The following FMN1 variants were observed in gnomAD, a reference collection of about 807,000 sequenced individuals.
The protein encoded by FMN1 is formin-1.
FMN1 carries 110 observed loss-of-function variants against 132.4 expected under a neutral mutation model. The observed-to-expected ratio is 0.83, with a 90% CI of 0.71 to 0.97. The LOEUF (loss-of-function observed/expected upper bound fraction) is 0.97. FMN1 is among the 50% of genes least tolerant of loss of function. The pLI is 0.00. For synonymous variants in FMN1, 722 were observed against 651.7 expected (o/e 1.11, Z -1.64); for missense variants, 1,792 against 1,705.3 (o/e 1.05, Z -0.90).
intron 12 of FMN1, among the ~76,000 whole-genome samples, chr15:32,906,239 C>A (rs72719309): frequency 5.9e-5 from 9 of 152,154 alleles, no homozygotes; most frequent in South Asian, 2.1e-4. Flanking sequence ...AAATTGCAGC[C>A]CACAGGCCAA....
intron 6 of FMN1, among the ~76,000 whole-genome samples, chr15:33,026,794 G>A (rs1018473501): frequency 2.6e-5 from 4 of 152,176 alleles, no homozygotes; most frequent in Non-Finnish European, 5.9e-5. Context: ...GAATTTTCTA[G>A]TAAACCAGGC....
chr15:32,938,518 A>G (rs1188262143), intron 9 of FMN1, among the ~76,000 whole-genome samples: 1 of 152,180 alleles, frequency 6.6e-6, no homozygotes, highest in Non-Finnish European at 1.5e-5. Flanking sequence ...GACAGAGCAA[A>G]GACTCTGTCT....
intron 18 of FMN1, among the ~76,000 whole-genome samples, chr15:32,802,862 TAG>T (rs568848832): frequency 6.6e-6 from 1 of 152,160 alleles, no homozygotes; most frequent in Non-Finnish European, 1.5e-5. Flanking sequence ...ATAAGGTCAA[TAG>T]AGAGACACAA....
At chr15:33,058,956 A>G (rs1000454341) in intron 6 of FMN1, among the ~76,000 whole-genome samples, 2 of 152,190 alleles carry the variant, frequency 1.3e-5, no homozygotes, top group Non-Finnish European at 2.9e-5. Flanking sequence ...TTTTTACTAT[A>G]ATCACACTGC....
intron 17 of FMN1, among the ~76,000 whole-genome samples, chr15:32,838,854 A>C (rs1178312761): frequency 6.6e-6 from 1 of 152,192 alleles, no homozygotes; most frequent in African/African-American, 2.4e-5. Context: ...TGAAATCTAA[A>C]CAACATGAAG....
intron 4 of FMN1, among the ~76,000 whole-genome samples, chr15:33,124,342 T>C (rs569830389): frequency 4.6e-5 from 7 of 152,340 alleles, no homozygotes; most frequent in Non-Finnish European, 8.8e-5. Flanking sequence ...TGTGCTGTTA[T>C]AGCCTCTCCG....
intron 10 of FMN1, among the ~76,000 whole-genome samples, chr15:32,922,432 T>C (rs61530261): frequency 0.074 from 11,284 of 152,240 alleles, 669 homozygotes; most frequent in African/African-American, 0.16. Context: ...TAGAAATTCC[T>C]GGCAAAGAAA....
intron 5 of FMN1, among the ~76,000 whole-genome samples, chr15:33,066,222 T>A (rs1422470773): frequency 6.6e-6 from 1 of 152,224 alleles, no homozygotes; most frequent in Non-Finnish European, 1.5e-5. Flanking sequence ...TACCTAGTTT[T>A]ATAAGTGCGT....
chr15:32,893,984 G>C (rs1279581051), intron 15 of FMN1, among the ~76,000 whole-genome samples: 1 of 152,206 alleles, frequency 6.6e-6, no homozygotes, highest in East Asian at 1.9e-4. Flanking sequence ...ACTAGTACCT[G>C]CTGTCAAAAC....
chr15:33,123,881 T>C (rs1021860258), intron 4 of FMN1, among the ~76,000 whole-genome samples: 3 of 152,228 alleles, frequency 2.0e-5, no homozygotes, highest in Non-Finnish European at 2.9e-5. Context: ...GGCATGGAGC[T>C]CAAATGATAT....
At chr15:32,913,835 G>C (rs1296376904) in intron 10 of FMN1, among the ~76,000 whole-genome samples, 1 of 152,148 alleles carries the variant, frequency 6.6e-6, no homozygotes, top group African/African-American at 2.4e-5. Flanking sequence ...ATAGATGTTT[G>C]TGGGTATAAT....
chr15:33,056,055 T>TGA (rs1304023315), intron 6 of FMN1, among the ~76,000 whole-genome samples: 1 of 152,140 alleles, frequency 6.6e-6, no homozygotes, highest in Non-Finnish European at 1.5e-5. Flanking sequence ...ACACACCAAA[T>TGA]GACAAGAATG....
intron 5 of FMN1, among the ~76,000 whole-genome samples, chr15:33,082,337 T>C (rs2038515245): frequency 6.6e-6 from 1 of 152,076 alleles, no homozygotes; most frequent in Non-Finnish European, 1.5e-5. Context: ...CCTCCCAAAG[T>C]GTTTTAAAAG....
Position 33,080,811 on chromosome 15 carries a change from C to G in FMN1, c.2043+7988G>C, listed in dbSNP as rs2038424009. On this transcript the variant is annotated intron_variant, in intron 5 of 20. Transcript: ENST00000616417. ...CTGAGGCATGAGAATAGATTGAACC[C>G]AAGAGGCGGAGGTTGCGGTGAGCTG... is the stretch of plus-strand genomic sequence containing the variant. Among the ~76,000 whole-genome samples the G allele has an allele frequency of 2.6e-5, 4 of 151,666 alleles. No homozygotes were observed. In the South Asian group the frequency reaches 6.2e-4, roughly 24 times the overall value.
rs2056102414 is a variant in FMN1 at position 32,767,947 on chromosome 15, C to T, written c.*6363G>A. 6.6e-6 allele frequency: 1 copy of T among 151,960 alleles called. No homozygotes were observed. Among genetic ancestry groups the T allele is most frequent in the Non-Finnish European group, 1.5e-5 (1 of 68,010 alleles). 9.4% of individuals were successfully genotyped at this position (151,960 alleles called of 1,614,324 possible). ...GCTACCTTCTTTATGCCTTGTGGTCCAATGTATGAAGAAATAAGATTTTAT... is the reference window on the plus strand; with the variant it reads ...GCTACCTTCTTTATGCCTTGTGGTCTAATGTATGAAGAAATAAGATTTTAT... On this transcript the variant is annotated 3_prime_UTR_variant, in exon 21 of 21. Coordinates refer to ENST00000616417, the MANE Select transcript of FMN1 (RefSeq NM_001277313.2).
chr15:32,973,719 CTCTG>C (rs1229901505), intron 7 of FMN1, among the ~76,000 whole-genome samples: 11 of 152,206 alleles, frequency 7.2e-5, no homozygotes, highest in African/African-American at 2.2e-4. Context: ...CTCATTCATT[CTCTG>C]TCTGTCCATA....
intron 15 of FMN1, among the ~76,000 whole-genome samples, chr15:32,893,202 T>C (rs1481635596): frequency 1.3e-5 from 2 of 152,358 alleles, no homozygotes; most frequent in South Asian, 4.1e-4. Context: ...CATATACTTA[T>C]TTTACTACTT....
intron 4 of FMN1, among the ~76,000 whole-genome samples, chr15:33,139,848 T>A (rs1963933748): frequency 6.6e-6 from 1 of 152,132 alleles, no homozygotes; most frequent in East Asian, 1.9e-4. Context: ...TCTTTACTAT[T>A]TAATTATCAT....
chr15:32,964,527 C>G (rs2030997428), intron 8 of FMN1, among the ~76,000 whole-genome samples: 1 of 152,210 alleles, frequency 6.6e-6, no homozygotes, highest in Non-Finnish European at 1.5e-5. Context: ...CTCCTTAGGA[C>G]TAGAAATCCT....
Sources: gnomAD v4.1 joint callset for allele counts (sites outside exome capture counted in the v4.1 genomes callset) on GRCh38, gnomAD v4.1.1 for gene constraint, MANE v1.5 for transcripts, NCBI Gene and HGNC (gene_info 2026-07-23, HGNC 2026-07-21) for gene names.